DGKI: variants seen among roughly 807,000 people sequenced by gnomAD.
DGKI encodes diacylglycerol kinase iota.
Under a neutral mutation model 147.5 loss-of-function variants are expected in DGKI, and 55 were observed. That is an observed-to-expected ratio of 0.37 (90% CI 0.30 to 0.47). The LOEUF is 0.47. DGKI is among the 20% of genes least tolerant of loss of function. The pLI is 1.00. For synonymous variants in DGKI, 469 were observed against 477.1 expected, an observed-to-expected ratio of 0.98 and a Z score of 0.22; for missense variants, 1,007 against 1,323.8, an observed-to-expected ratio of 0.76 and a Z score of 3.71.
chr7:137,381,547 C>A lies in DGKI; in HGVS notation c.*9673G>T, dbSNP rs755700069. On this transcript the variant is annotated 3_prime_UTR_variant, in exon 33 of 33. Coordinates refer to ENST00000614521, the MANE Select transcript of DGKI (RefSeq NM_001321708.2). The stretch of plus-strand genomic sequence containing the variant: ...AGTGGAATACCCACAGCCAAGGGTA[C>A]CCTGGATGCCTGGGAACGTTTTCCC... The A allele has an allele frequency of 6.6e-6, 1 of 151,528 alleles. No individual in the cohort carries two copies. Among genetic ancestry groups the A allele is most frequent in the Admixed American group, 6.6e-5 (1 of 15,190 alleles). The allele number at this position is 151,528 out of a possible 1,614,324, so 9.4% of individuals were successfully genotyped here. A position where few individuals can be genotyped will look rare whatever the true frequency, so the allele number is the denominator to read the frequency against.
In DGKI at chr7:137,689,912, TCTGGGCTCCTTGG is replaced by T; in HGVS notation, c.479_491del (p.Ala160GlufsTer11). On this transcript the variant is annotated frameshift_variant, in exon 2 of 33. Transcript: ENST00000614521. LOFTEE classifies it high-confidence loss of function. Reference sequence around the variant, plus strand: ...CACCTACACTCCAGTCCAAAGTCGCTCTGGGCTCCTTGGCTGGACCATTTGCCACAGGAAGGCT... The same window carrying T: ...CACCTACACTCCAGTCCAAAGTCGCTCTGGACCATTTGCCACAGGAAGGCT... 1 of 1,597,654 alleles carries T rather than the reference TCTGGGCTCCTTGG, an allele frequency of 6.3e-7. No individual in the cohort carries two copies. Among genetic ancestry groups the T allele is most frequent in the Non-Finnish European group, 8.5e-7 (1 of 1,173,394 alleles).
chr7:137,821,381 A>G (rs1057506260), intron 1 of DGKI, among the ~76,000 whole-genome samples: 2 of 152,300 alleles, frequency 1.3e-5, no homozygotes, highest in African/African-American at 4.8e-5. Context: ...AAAATTACCA[A>G]TTCACCCCTG....
rs572996499 is a variant in DGKI at position 137,769,666 on chromosome 7, A to G, written c.401+76796T>C. 4.5e-4 allele frequency among the ~76,000 whole-genome samples: 68 copies of G among 152,360 alleles called. 1 individual carries two copies. The South Asian group carries it at 0.014, about 31-fold the overall frequency. ...AACCCCATCAAAAAGTGGGCAAAGG[A>G]TATGAACAGACACTTCTCAAAAGAA... On this transcript the variant is annotated intron_variant, in intron 1 of 32. Coordinates refer to ENST00000614521, the MANE Select transcript of DGKI (RefSeq NM_001321708.2).
In DGKI at chr7:137,386,365, C is replaced by T. The variant is rs1811176401; in HGVS notation, c.*4855G>A. 1 of 152,110 alleles carries T rather than the reference C, an allele frequency of 6.6e-6. No homozygotes were observed. The highest frequency in any genetic ancestry group is 2.1e-4 in the South Asian group (1 of 4,832). The allele number at this position is 152,110 out of a possible 1,614,324, so 9.4% of individuals were successfully genotyped here. ...TGCCGTCAAAGAGGCATGTGGCTTA[C>T]ATTGTTGAATGAGGAAGCAGCAGCC... On this transcript the variant is annotated 3_prime_UTR_variant, in exon 33 of 33. Coordinates refer to ENST00000614521, the MANE Select transcript of DGKI (RefSeq NM_001321708.2).
chr7:137,463,910 A>T (rs910363073), intron 26 of DGKI, among the ~76,000 whole-genome samples: 1 of 152,194 alleles, frequency 6.6e-6, no homozygotes, highest in Non-Finnish European at 1.5e-5. Flanking sequence ...AGAAAATAAC[A>T]AAGTCCATCC....
At position 137,678,660 on chromosome 7, in the gene DGKI, GA is replaced by G. The variant is rs554311762; in HGVS notation, c.511-9del. ...TCCATTCACGGCATTCTCCTGCAAG[GA>G]AAAGACCCACCTGACATCAATTTTT... On this transcript the variant is annotated splice_polypyrimidine_tract_variant and intron_variant, in intron 2 of 32. Transcript: ENST00000614521. The G allele has an allele frequency of 8.6e-4, 1,386 of 1,613,348 alleles. 20 individuals carry two copies. The Admixed American group carries it at 0.02, about 24-fold the overall frequency.
At chr7:137,584,646 A>G (rs1819321966) in intron 14 of DGKI, among the ~76,000 whole-genome samples, 1 of 152,230 alleles carries the variant, frequency 6.6e-6, no homozygotes, top group Non-Finnish European at 1.5e-5. Flanking sequence ...TCAGCATCAT[A>G]TAATATATCC....
intron 19 of DGKI, among the ~76,000 whole-genome samples, chr7:137,562,372 C>T (rs1818445701): frequency 6.6e-6 from 1 of 152,130 alleles, no homozygotes; most frequent in Non-Finnish European, 1.5e-5. Flanking sequence ...CTCGCCTCTA[C>T]TAAAAATACA....
intron 27 of DGKI, among the ~76,000 whole-genome samples, chr7:137,446,247 G>A (rs1418343089): frequency 6.6e-6 from 1 of 152,218 alleles, no homozygotes; most frequent in African/African-American, 2.4e-5. Context: ...GTCCCAAGGG[G>A]ACGCATTCTG....
At chr7:137,786,311 T>C (rs1009143956) in intron 1 of DGKI, among the ~76,000 whole-genome samples, 1 of 152,194 alleles carries the variant, frequency 6.6e-6, no homozygotes, top group East Asian at 1.9e-4. Flanking sequence ...TCAGTAGCTC[T>C]GCTATACACC....
rs1185796461 is a variant in DGKI at position 137,387,473 on chromosome 7, GC to G, written c.*3746del. ...CTAGACATATACAAATGATCAGCAT[GC>G]TTTTAAAATGTTTGCTCTTTTCTAA... On this transcript the variant is annotated 3_prime_UTR_variant, in exon 33 of 33. Coordinates refer to ENST00000614521, the MANE Select transcript of DGKI (RefSeq NM_001321708.2). 4 of 152,110 alleles carry G rather than the reference GC, an allele frequency of 2.6e-5. No homozygotes were observed. The highest frequency in any genetic ancestry group is 5.9e-5 in the Non-Finnish European group (4 of 68,012). 9.4% of individuals were successfully genotyped at this position (152,110 alleles called of 1,614,324 possible). A position where few individuals can be genotyped will look rare whatever the true frequency, so the allele number is the denominator to read the frequency against.
chr7:137,425,724 G>A (rs1157439518), intron 28 of DGKI, among the ~76,000 whole-genome samples: 3 of 152,218 alleles, frequency 2.0e-5, no homozygotes, highest in South Asian at 2.1e-4. Context: ...GGAGCTGAAA[G>A]CCAAGGCTTG....
At chr7:137,526,713 T>A (rs754124636) in intron 20 of DGKI, among the ~76,000 whole-genome samples, 1 of 152,150 alleles carries the variant, frequency 6.6e-6, no homozygotes, top group Admixed American at 6.5e-5. Context: ...AATCTTGCTA[T>A]TCTCTGCTCT....
chr7:137,464,873 T>C (rs1485112037), intron 26 of DGKI, among the ~76,000 whole-genome samples: 3 of 152,238 alleles, frequency 2.0e-5, no homozygotes, highest in Admixed American at 6.5e-5. Context: ...GTGTATGGTT[T>C]CTAGAGCAAT....
chr7:137,660,248 T>C (rs2116282148), intron 3 of DGKI, among the ~76,000 whole-genome samples: 1 of 152,262 alleles, frequency 6.6e-6, no homozygotes, highest in Admixed American at 6.5e-5. Flanking sequence ...CATATCCGTT[T>C]AAACTAAGAC....
intron 1 of DGKI, among the ~76,000 whole-genome samples, chr7:137,840,013 A>G (rs1326556724): frequency 2.0e-5 from 3 of 152,184 alleles, no homozygotes; most frequent in African/African-American, 7.2e-5. Context: ...TCCCACCTCT[A>G]CCCAATCACA....
chr7:137,823,286 C>T (rs1234501367), intron 1 of DGKI, among the ~76,000 whole-genome samples: 1 of 152,198 alleles, frequency 6.6e-6, no homozygotes, highest in African/African-American at 2.4e-5. Flanking sequence ...AGCTGTGACT[C>T]TGTAAGCACA....
At chr7:137,722,395 G>T (rs181933064) in intron 1 of DGKI, 1 of 1,612,310 alleles carries the variant, frequency 6.2e-7, no homozygotes, top group East Asian at 2.2e-5. Context: ...CAGTCAGCAC[G>T]TGAGAAAACT....
At chr7:137,569,420 T>A (rs1451165112) in intron 19 of DGKI, among the ~76,000 whole-genome samples, 2 of 151,860 alleles carry the variant, frequency 1.3e-5, no homozygotes, top group Non-Finnish European at 2.9e-5. Flanking sequence ...ACGGGCATGA[T>A]TTTGTCACCT....
Sources: allele counts gnomAD v4.1 joint callset (sites outside exome capture counted in the v4.1 genomes callset), GRCh38; gene constraint gnomAD v4.1.1; transcripts MANE v1.5; gene names NCBI Gene and HGNC (gene_info 2026-07-23, HGNC 2026-07-21).